The following NEDD4L variants were observed in gnomAD, a reference collection of about 807,000 sequenced individuals.
NEDD4L encodes the protein NEDD4 like E3 ubiquitin protein ligase, also known as E3 ubiquitin-protein ligase NEDD4-like.
In NEDD4L, 54 loss-of-function variants were observed where a neutral mutation model predicts 148.9. The ratio of observed to expected loss-of-function variants is 0.36; its 90% CI spans 0.29 to 0.45. The LOEUF is 0.45. NEDD4L is among the 20% of genes least tolerant of loss of function. The pLI is 1.00. For missense variants in NEDD4L, 856 were observed against 1,233.8 expected, an observed-to-expected ratio of 0.69 and a Z score of 4.59; for synonymous variants, 433 against 440.7, an observed-to-expected ratio of 0.98 and a Z score of 0.22.
intron 2 of NEDD4L, among the ~76,000 whole-genome samples, chr18:58,187,930 G>A (rs916718838): frequency 9.2e-5 from 14 of 152,196 alleles, no homozygotes. Context: ...AGCTGGGAAT[G>A]TGCTTGAGTC....
intron 1 of NEDD4L, among the ~76,000 whole-genome samples, chr18:58,153,236 G>A (rs1341308903): frequency 6.9e-6 from 1 of 145,668 alleles, no homozygotes; most frequent in Admixed American, 6.8e-5. Flanking sequence ...ACACACAGTT[G>A]TAGAGGGACC....
intron 1 of NEDD4L, among the ~76,000 whole-genome samples, chr18:58,120,551 G>A (rs1183088324): frequency 1.3e-5 from 2 of 152,144 alleles, no homozygotes; most frequent in Non-Finnish European, 1.5e-5. Context: ...AGGCTGAGGC[G>A]GGCGGATCAC....
chr18:58,225,141 G>C (rs995047782), intron 2 of NEDD4L, among the ~76,000 whole-genome samples: 1 of 152,186 alleles, frequency 6.6e-6, no homozygotes, highest in Admixed American at 6.5e-5. Context: ...GGGGTATTGG[G>C]GGGGAAGAGA....
intron 1 of NEDD4L, among the ~76,000 whole-genome samples, chr18:58,143,491 G>A (rs1179785625): frequency 5.9e-5 from 9 of 152,196 alleles, no homozygotes. Context: ...CGCAGGCTCT[G>A]GGACAAGCTA....
At chr18:58,109,051 A>G (rs2085251337) in intron 1 of NEDD4L, among the ~76,000 whole-genome samples, 1 of 152,236 alleles carries the variant, frequency 6.6e-6, no homozygotes, top group Non-Finnish European at 1.5e-5. Flanking sequence ...TTCTTAAAAT[A>G]TTTTTATTTA....
chr18:58,096,347 ATTTAT>A (rs149430952), intron 1 of NEDD4L, among the ~76,000 whole-genome samples: 33,094 of 115,526 alleles, frequency 0.29, 5,408 homozygotes, highest in Non-Finnish European at 0.35. Flanking sequence ...ATTTTATTTT[ATTTAT>A]TTTATTTTAT....
chr18:58,252,460 T>C (rs2048046967), intron 5 of NEDD4L, among the ~76,000 whole-genome samples: 2 of 152,198 alleles, frequency 1.3e-5, no homozygotes, highest in East Asian at 1.9e-4. Context: ...AAATCTATGG[T>C]AATTCTCTCA....
intron 2 of NEDD4L, among the ~76,000 whole-genome samples, chr18:58,241,811 T>C (rs1283197200): frequency 6.6e-6 from 1 of 152,102 alleles, no homozygotes; most frequent in African/African-American, 2.4e-5. Context: ...AGTACCAGTT[T>C]ACTATCTCCT....
intron 5 of NEDD4L, among the ~76,000 whole-genome samples, chr18:58,300,731 G>A (rs2056350646): frequency 6.6e-6 from 1 of 152,164 alleles, no homozygotes; most frequent in African/African-American, 2.4e-5. Context: ...GTATATGCTG[G>A]GCTCTGTTAG....
At chr18:58,107,799 A>T (rs912975044) in intron 1 of NEDD4L, among the ~76,000 whole-genome samples, 1 of 151,668 alleles carries the variant, frequency 6.6e-6, no homozygotes, top group Non-Finnish European at 1.5e-5. Flanking sequence ...TGCAGCTTTA[A>T]CCTCCCAGGC....
rs182995538 is a variant in NEDD4L, at chr18:58,168,922, G to A, written c.122+3061G>A. On this transcript the variant is annotated intron_variant, in intron 2 of 30. Coordinates refer to ENST00000400345, the MANE Select transcript of NEDD4L (RefSeq NM_001144967.3). Reference sequence around the variant, plus strand: ...AGGTTGGGAAGGGGTCGGTGGTTGCGGGGCAGAATGTGATGCTTGGGGATG... The same window carrying A: ...AGGTTGGGAAGGGGTCGGTGGTTGCAGGGCAGAATGTGATGCTTGGGGATG... 1.2e-4 allele frequency among the ~76,000 whole-genome samples: 19 copies of A among 152,240 alleles called. 1 individual carries two copies. The South Asian group carries it at 3.9e-3, about 32-fold the overall frequency.
At chr18:58,056,781 A>G (rs575988277) in intron 1 of NEDD4L, among the ~76,000 whole-genome samples, 4 of 150,684 alleles carry the variant, frequency 2.7e-5, no homozygotes, top group South Asian at 2.1e-4. Context: ...GGGTTTCACC[A>G]TGTTGGCCAG....
chr18:58,311,630 G>T (rs1403426883), intron 5 of NEDD4L, among the ~76,000 whole-genome samples: 1 of 152,212 alleles, frequency 6.6e-6, no homozygotes, highest in Non-Finnish European at 1.5e-5. Flanking sequence ...GGGTGGGGTG[G>T]TCATTGGTGT....
intron 1 of NEDD4L, among the ~76,000 whole-genome samples, chr18:58,099,740 T>C (rs947913176): frequency 6.6e-6 from 1 of 152,168 alleles, no homozygotes; most frequent in Non-Finnish European, 1.5e-5. Context: ...TGAGGTAGAC[T>C]CTAAGGGGTG....
intron 2 of NEDD4L, among the ~76,000 whole-genome samples, chr18:58,171,573 T>C (rs1383534324): frequency 6.6e-6 from 1 of 152,262 alleles, no homozygotes; most frequent in Admixed American, 6.5e-5. Context: ...CCCTGTCTTA[T>C]TGGTGTTTGC....
At chr18:58,306,352 G>C (rs2057060944) in intron 5 of NEDD4L, among the ~76,000 whole-genome samples, 1 of 152,088 alleles carries the variant, frequency 6.6e-6, no homozygotes, top group East Asian at 1.9e-4. Context: ...TCTCTTTCAA[G>C]CTCATACGTT....
intron 13 of NEDD4L, among the ~76,000 whole-genome samples, chr18:58,337,626 T>C (rs1291882130): frequency 6.6e-6 from 1 of 152,222 alleles, no homozygotes; most frequent in Non-Finnish European, 1.5e-5. Flanking sequence ...CTTGGTTTTT[T>C]TTTAACTTAT....
intron 19 of NEDD4L, among the ~76,000 whole-genome samples, chr18:58,363,643 G>T (rs2045769076): frequency 6.6e-6 from 1 of 152,108 alleles, no homozygotes; most frequent in Non-Finnish European, 1.5e-5. Context: ...CTCAACTGGG[G>T]TACTATCACT....
Position 58,385,509 on chromosome 18 carries a change from C to T in NEDD4L, c.2427-17C>T, listed in dbSNP as rs375128813. 6 of 1,607,480 alleles carry T rather than the reference C, an allele frequency of 3.7e-6. No individual in the cohort carries two copies. The African/African-American group carries it at 6.7e-5, about 18-fold the overall frequency. ...GATGATGGAGGTGGTTCAATATTGT[C>T]CTCTTTTCTCCTGCAGCTTAGTCAT... On this transcript the variant is annotated splice_polypyrimidine_tract_variant and intron_variant, in intron 25 of 30. Transcript: ENST00000400345.
Sources: gnomAD v4.1 joint callset for allele counts (sites outside exome capture counted in the v4.1 genomes callset) on GRCh38, gnomAD v4.1.1 for gene constraint, MANE v1.5 for transcripts, NCBI Gene and HGNC (gene_info 2026-07-23, HGNC 2026-07-21) for gene names.